The following PDS5B variants were observed in gnomAD, a reference collection of about 807,000 sequenced individuals.
The protein encoded by PDS5B is PDS5 cohesin associated factor B.
In PDS5B, 51 loss-of-function variants were observed where a neutral mutation model predicts 184.1. The observed-to-expected ratio is 0.28, with a 90% CI of 0.22 to 0.35. The LOEUF (loss-of-function observed/expected upper bound fraction) is 0.35. Ranked by LOEUF, PDS5B falls within the 10% of genes least tolerant of loss-of-function variation. The pLI, the probability that PDS5B is intolerant of heterozygous loss-of-function variation, is 1.00. For missense variants in PDS5B, 1,180 were observed against 1,723.3 expected, an observed-to-expected ratio of 0.68 and a Z score of 5.58; for synonymous variants, 566 against 569.2, an observed-to-expected ratio of 0.99 and a Z score of 0.08.
At chr13:32,656,485 A>G (rs1950517113) in intron 3 of PDS5B, among the ~76,000 whole-genome samples, 4 of 150,970 alleles carry the variant, frequency 2.6e-5, no homozygotes, top group Non-Finnish European at 5.9e-5. Flanking sequence ...ATGATTTTCC[A>G]TTTGTTGTGT....
At chr13:32,655,318 C>T (rs58273771) in intron 3 of PDS5B, among the ~76,000 whole-genome samples, 6,086 of 133,216 alleles carry the variant, frequency 0.046, 415 homozygotes, top group African/African-American at 0.16. Context: ...GTTGGCCATA[C>T]GTACATCTTC....
chr13:32,597,688 A>C (rs574633876), intron 1 of PDS5B, among the ~76,000 whole-genome samples: 93 of 152,000 alleles, frequency 6.1e-4, no homozygotes, highest in African/African-American at 1.9e-3. Flanking sequence ...TCTACTAAAA[A>C]ATACAAAAAT....
intron 31 of PDS5B, among the ~76,000 whole-genome samples, chr13:32,769,702 A>G (rs1013426966): frequency 6.6e-5 from 10 of 152,220 alleles, no homozygotes; most frequent in Non-Finnish European, 1.5e-4. Context: ...TCATATAGTT[A>G]ATATTTTATG....
intron 1 of PDS5B, among the ~76,000 whole-genome samples, chr13:32,632,507 A>T (rs2058474083): frequency 6.6e-6 from 1 of 152,214 alleles, no homozygotes; most frequent in Non-Finnish European, 1.5e-5. Flanking sequence ...CAAAACCAGA[A>T]AATAACTGTT....
chr13:32,758,525 C>A lies in PDS5B; in HGVS notation c.3190-9C>A. ...AAGTATCTGTGTTTTTAAAAATATA[C>A]TATTGCAGAAACTGTACACTGTGTG... On this transcript the variant is annotated splice_polypyrimidine_tract_variant and intron_variant, in intron 27 of 34. Coordinates refer to ENST00000315596, the MANE Select transcript of PDS5B (RefSeq NM_015032.4). 6.2e-7 allele frequency: 1 copy of A among 1,604,426 alleles called. No individual in the cohort carries two copies. The highest frequency in any genetic ancestry group is 8.5e-7 in the Non-Finnish European group (1 of 1,175,140).
chr13:32,744,486 T>G (rs1474034494), intron 23 of PDS5B, among the ~76,000 whole-genome samples: 1 of 152,194 alleles, frequency 6.6e-6, no homozygotes, highest in African/African-American at 2.4e-5. Flanking sequence ...GTTTACACCT[T>G]AAACTTTTAT....
chr13:32,672,443 C>G (rs1313275045), intron 7 of PDS5B, among the ~76,000 whole-genome samples: 3 of 152,166 alleles, frequency 2.0e-5, no homozygotes, highest in South Asian at 2.1e-4. Context: ...TACACACACA[C>G]AGAGACACAT....
At position 32,710,189 on chromosome 13, in the gene PDS5B, C is replaced by A. The variant is rs1593479722; in HGVS notation, c.2123+83C>A. 4 of 1,026,732 alleles carry A rather than the reference C, an allele frequency of 3.9e-6. No individual in the cohort carries two copies. In the East Asian group the frequency reaches 1.1e-4, roughly 29 times the overall value. The allele number at this position is 1,026,732 out of a possible 1,614,324, so 63.6% of individuals were successfully genotyped here. Reference sequence around the variant, plus strand: ...ATTTATGCAATAATTGGGAATCTTTCAAGTTTTGAGGAAAAACTGTCTAGG... The same window carrying A: ...ATTTATGCAATAATTGGGAATCTTTAAAGTTTTGAGGAAAAACTGTCTAGG... On this transcript the variant is annotated intron_variant, in intron 19 of 34. Transcript: ENST00000315596.
intron 1 of PDS5B, among the ~76,000 whole-genome samples, chr13:32,620,428 C>A (rs919411135): frequency 2.6e-5 from 4 of 151,954 alleles, no homozygotes; most frequent in African/African-American, 9.7e-5. Context: ...GAGGCCGAGG[C>A]GGGCGGATCA....
At chr13:32,626,964 T>A (rs190977034) in intron 1 of PDS5B, among the ~76,000 whole-genome samples, 1 of 152,350 alleles carries the variant, frequency 6.6e-6, no homozygotes, top group East Asian at 1.9e-4. Flanking sequence ...GGAATCAGAT[T>A]GAACACTGCC....
chr13:32,758,501 A>C, intron 27 of PDS5B, 33 bp from the exon 28 acceptor site: 1 of 1,593,386 alleles, frequency 6.3e-7, no homozygotes, highest in Non-Finnish European at 8.6e-7. Context: ...TGCCAGCTTA[A>C]GTATCTGTGT....
intron 6 of PDS5B, among the ~76,000 whole-genome samples, chr13:32,663,329 GA>G (rs572233586): frequency 0.018 from 1,933 of 108,782 alleles, 28 homozygotes; most frequent in African/African-American, 0.055. Flanking sequence ...AACCAAGCAA[GA>G]AAAAAAAAAA....
chr13:32,657,822 A>G (rs1176102890), intron 3 of PDS5B, among the ~76,000 whole-genome samples: 1 of 152,184 alleles, frequency 6.6e-6, no homozygotes, highest in Non-Finnish European at 1.5e-5. Flanking sequence ...TCATTTGGCA[A>G]TTAAAAAAAA....
At chr13:32,624,999 G>A (rs2058349730) in intron 1 of PDS5B, among the ~76,000 whole-genome samples, 2 of 152,238 alleles carry the variant, frequency 1.3e-5, no homozygotes, top group South Asian at 4.2e-4. Flanking sequence ...GCTCAGCAAT[G>A]TGATAACAGT....
chr13:32,639,374 C>G (rs972671134), intron 1 of PDS5B, among the ~76,000 whole-genome samples: 1 of 152,062 alleles, frequency 6.6e-6, no homozygotes, highest in Non-Finnish European at 1.5e-5. Flanking sequence ...AAAGAACTTC[C>G]TAAAGTATTC....
At chr13:32,629,941 A>G (rs888597126) in intron 1 of PDS5B, among the ~76,000 whole-genome samples, 3 of 152,206 alleles carry the variant, frequency 2.0e-5, no homozygotes, top group African/African-American at 7.2e-5. Context: ...ACTAGTTTAT[A>G]GGCTTTTAAT....
chr13:32,696,902 A>C lies in PDS5B; in HGVS notation c.1600A>C (p.Arg534=), dbSNP rs1373433949. 4 of 1,517,334 alleles carry C rather than the reference A, an allele frequency of 2.6e-6. No individual in the cohort carries two copies. Among genetic ancestry groups the C allele is most frequent in the Admixed American group, 1.8e-5 (1 of 55,926 alleles). 94.0% of individuals were successfully genotyped at this position (1,517,334 alleles called of 1,614,324 possible). The stretch of plus-strand genomic sequence containing the variant: ...ATTTTCAAAAGTGATGGTTATTACA[A>C]GTAAGTTATTTTAAAATCTGTATAA... The part of the protein sequence containing the change: ...AIFSKVMVIT[R]NLPDPGKAQD... The change falls in exon 15 of 35, where the codon AGA becomes CGA. Residue 534 remains arginine (R), a splice_region_variant and synonymous_variant. Coordinates refer to ENST00000315596, the MANE Select transcript of PDS5B (RefSeq NM_015032.4).
intron 1 of PDS5B, among the ~76,000 whole-genome samples, chr13:32,648,355 T>A (rs1442212083): frequency 6.6e-6 from 1 of 152,182 alleles, no homozygotes; most frequent in Non-Finnish European, 1.5e-5. Context: ...GAAAAATGCT[T>A]TCAGAGTATA....
intron 1 of PDS5B, among the ~76,000 whole-genome samples, chr13:32,590,031 G>C (rs1593223032): frequency 6.6e-6 from 1 of 152,018 alleles, no homozygotes; most frequent in Non-Finnish European, 1.5e-5. Flanking sequence ...AAAAAATCAT[G>C]ATAATAAAAC....
Sources: gnomAD v4.1 joint callset for allele counts (sites outside exome capture counted in the v4.1 genomes callset) on GRCh38, gnomAD v4.1.1 for gene constraint, MANE v1.5 for transcripts, NCBI Gene and HGNC (gene_info 2026-07-23, HGNC 2026-07-21) for gene names.